Variants in SP4 observed in about 807,000 individuals in gnomAD.
The protein encoded by SP4 is transcription factor Sp4.
In SP4, 19 loss-of-function variants were observed where a neutral mutation model predicts 72.8. That is an observed-to-expected ratio of 0.26 (90% CI 0.18 to 0.38). SP4 has a LOEUF of 0.38. Among genes scored for constraint, SP4 ranks in the 10% least tolerant of loss-of-function variants. The pLI, the probability that SP4 is intolerant of heterozygous loss-of-function variation, is 1.00. For missense variants in SP4, 1,008 were observed against 926.3 expected (o/e 1.09, Z -1.14); for synonymous variants, 395 against 333.1 (o/e 1.19, Z -2.02).
At chr7:21,477,627 C>G (rs894545917) in intron 4 of SP4, among the ~76,000 whole-genome samples, 1 of 150,948 alleles carries the variant, frequency 6.6e-6, no homozygotes, top group African/African-American at 2.4e-5. Context: ...ATCTCTGCCT[C>G]CCGGGTTCAA....
intron 3 of SP4, among the ~76,000 whole-genome samples, chr7:21,469,043 G>GAAAT (rs1344070493): frequency 6.6e-6 from 1 of 152,094 alleles, no homozygotes; most frequent in East Asian, 1.9e-4. Flanking sequence ...CTATCCCTTG[G>GAAAT]AAATAATAAA....
intron 2 of SP4, 103 bp downstream of exon 2, chr7:21,428,895 C>T (rs1782727164): frequency 1.1e-6 from 1 of 895,648 alleles, no homozygotes; most frequent in Non-Finnish European, 1.7e-6. Flanking sequence ...TGTTTATCCA[C>T]TCAAAGCATC....
intron 3 of SP4, among the ~76,000 whole-genome samples, chr7:21,475,406 G>T (rs943831770): frequency 6.6e-6 from 1 of 151,912 alleles, no homozygotes; most frequent in Non-Finnish European, 1.5e-5. Context: ...GAGCCACCAC[G>T]CCTGGCCTGA....
chr7:21,509,050 T>C (rs1782079268), intron 5 of SP4, among the ~76,000 whole-genome samples: 1 of 152,158 alleles, frequency 6.6e-6, no homozygotes, highest in Non-Finnish European at 1.5e-5. Flanking sequence ...AATTTTTTTC[T>C]TCCAGTGATT....
At chr7:21,487,626 TCA>T (rs1213746869) in intron 5 of SP4, among the ~76,000 whole-genome samples, 1 of 152,134 alleles carries the variant, frequency 6.6e-6, no homozygotes, top group Non-Finnish European at 1.5e-5. Flanking sequence ...TGAAATTATC[TCA>T]GTTTTTTAAT....
chr7:21,480,860 A>C (rs1009913183), intron 4 of SP4, among the ~76,000 whole-genome samples: 4 of 152,170 alleles, frequency 2.6e-5, no homozygotes, highest in Non-Finnish European at 4.4e-5. Flanking sequence ...GAACTTCTTC[A>C]CATTGTCTTG....
At position 21,429,931 on chromosome 7, in the gene SP4, A is replaced by G. The variant is rs774711954; in HGVS notation, c.766A>G (p.Thr256Ala). ...TGGTACTCAGGCTCAAGTTGTAACA[A>G]CCCTACCAATTAACATTGGAGGAGT... ...LPGTQAQVVT[T>A]LPINIGGVTL... The change falls in exon 3 of 6, where the codon ACC (threonine) becomes GCC (alanine). Residue 256 changes from threonine to alanine, a missense_variant. Around this residue, in one of 3 missense-constraint regions of SP4, gnomAD observed 893 missense variants for 743.3 expected, o/e 1.20. Transcript: ENST00000222584. The G allele has an allele frequency of 4.3e-6, 7 of 1,614,188 alleles. No individual in the cohort carries two copies. In the South Asian group the frequency reaches 4.4e-5, roughly 10 times the overall value.
intron 5 of SP4, among the ~76,000 whole-genome samples, chr7:21,507,327 C>T (rs1782024620): frequency 6.6e-6 from 1 of 152,216 alleles, no homozygotes; most frequent in Admixed American, 6.5e-5. Context: ...TTCTCAATAT[C>T]CCTCTTACAG....
chr7:21,494,952 T>C (rs1235866978), intron 5 of SP4, among the ~76,000 whole-genome samples: 4 of 152,046 alleles, frequency 2.6e-5, no homozygotes, highest in African/African-American at 9.7e-5. Flanking sequence ...GTCCAGAAAT[T>C]CCCCTCCACA....
At chr7:21,462,522 T>C (rs963180619) in intron 3 of SP4, among the ~76,000 whole-genome samples, 2 of 152,232 alleles carry the variant, frequency 1.3e-5, no homozygotes, top group African/African-American at 4.8e-5. Flanking sequence ...TGAATTTTGA[T>C]ATTTGTTAAT....
At chr7:21,493,066 G>A (rs1012136137) in intron 5 of SP4, among the ~76,000 whole-genome samples, 1 of 152,140 alleles carries the variant, frequency 6.6e-6, no homozygotes, top group African/African-American at 2.4e-5. Flanking sequence ...TAGGCATGGT[G>A]GCATGTGCCT....
intron 5 of SP4, among the ~76,000 whole-genome samples, chr7:21,500,063 T>G (rs1451809638): frequency 6.6e-6 from 1 of 152,226 alleles, no homozygotes; most frequent in Non-Finnish European, 1.5e-5. Context: ...GAACATTGTA[T>G]TTAAATCCTT....
intron 5 of SP4, among the ~76,000 whole-genome samples, chr7:21,508,573 C>T (rs1307067121): frequency 6.6e-6 from 1 of 152,128 alleles, no homozygotes; most frequent in Admixed American, 6.6e-5. Context: ...AGGGTCCACC[C>T]ACCTCAGCCT....
intron 5 of SP4, among the ~76,000 whole-genome samples, chr7:21,492,351 C>T (rs917419909): frequency 2.0e-5 from 3 of 152,084 alleles, no homozygotes; most frequent in Non-Finnish European, 4.4e-5. Flanking sequence ...GAATACTAAA[C>T]AACATTCAAA....
At chr7:21,488,579 A>C (rs1483187861) in intron 5 of SP4, among the ~76,000 whole-genome samples, 1 of 150,754 alleles carries the variant, frequency 6.6e-6, no homozygotes, top group African/African-American at 2.4e-5. Flanking sequence ...ACATGTAATC[A>C]TGCTGCTCTC....
chr7:21,432,895 G>A (rs1782912848), intron 3 of SP4, among the ~76,000 whole-genome samples: 1 of 152,194 alleles, frequency 6.6e-6, no homozygotes, highest in Admixed American at 6.5e-5. Context: ...TTGGGAGGCT[G>A]AAGTAGGAGG....
intron 4 of SP4, among the ~76,000 whole-genome samples, chr7:21,481,627 T>C (rs1387292051): frequency 2.6e-5 from 4 of 152,338 alleles, no homozygotes; most frequent in Non-Finnish European, 4.4e-5. Flanking sequence ...TTCAAGTGTT[T>C]TGAAAGGCTT....
chr7:21,510,039 G>A (rs983929812), intron 5 of SP4, among the ~76,000 whole-genome samples: 1 of 152,180 alleles, frequency 6.6e-6, no homozygotes, highest in Non-Finnish European at 1.5e-5. Context: ...ATCGTATCTT[G>A]TGAGGCTTAT....
intron 4 of SP4, among the ~76,000 whole-genome samples, chr7:21,481,303 A>T (rs1336857476): frequency 6.6e-6 from 1 of 152,192 alleles, no homozygotes; most frequent in African/African-American, 2.4e-5. Flanking sequence ...TCATATTCTT[A>T]GCTGCACCAG....
Sources: gnomAD v4.1 joint callset for allele counts (sites outside exome capture counted in the v4.1 genomes callset) on GRCh38, gnomAD v4.1.1 for gene constraint, gnomAD v4.1.1 regional missense constraint, MANE v1.5 for transcripts, NCBI Gene and HGNC (gene_info 2026-07-23, HGNC 2026-07-21) for gene names.